The following NUP210L variants were observed in gnomAD, a reference collection of about 807,000 sequenced individuals.
NUP210L encodes nucleoporin 210 like.
A neutral mutation model predicts 208.5 loss-of-function variants in NUP210L; 74 were observed. The observed-to-expected ratio is 0.35, with a 90% CI of 0.29 to 0.43. NUP210L has a LOEUF of 0.43. NUP210L is among the 20% of genes least tolerant of loss of function. The pLI, the probability that NUP210L is intolerant of heterozygous loss-of-function variation, is 1.00. For missense variants in NUP210L, 1,843 were observed against 2,289.4 expected, an observed-to-expected ratio of 0.81 and a Z score of 3.98; for synonymous variants, 780 against 816.9, an observed-to-expected ratio of 0.95 and a Z score of 0.77.
chr1:154,075,823 T>A (rs905049172), intron 16 of NUP210L, among the ~76,000 whole-genome samples: 7 of 152,078 alleles, frequency 4.6e-5, no homozygotes, highest in Admixed American at 4.6e-4. Flanking sequence ...GGAGTCTTAC[T>A]TCATTGCCCA....
At chr1:153,992,958 A>T in intron 39 of NUP210L, 23 bp from the exon 40 acceptor site, 2 of 1,608,372 alleles carry the variant, frequency 1.2e-6, no homozygotes. Context: ...GGAAAAGTTG[A>T]GTGAATTAAA....
At chr1:154,145,432 A>T (rs1659069057) in intron 2 of NUP210L, among the ~76,000 whole-genome samples, 1 of 152,286 alleles carries the variant, frequency 6.6e-6, no homozygotes, top group Non-Finnish European at 1.5e-5. Flanking sequence ...AAAAAAAATT[A>T]AACATTGAAA....
chr1:154,040,920 A>G (rs1377483673), intron 27 of NUP210L, among the ~76,000 whole-genome samples: 1 of 150,806 alleles, frequency 6.6e-6, no homozygotes, highest in Non-Finnish European at 1.5e-5. Flanking sequence ...CTCAAAGTCA[A>G]ATTTTTTTAT....
chr1:153,996,763 G>C (rs918347888), intron 37 of NUP210L, among the ~76,000 whole-genome samples: 3 of 151,076 alleles, frequency 2.0e-5, no homozygotes, highest in Admixed American at 6.6e-5. Flanking sequence ...TAAATCCACA[G>C]TACCTTTGTC....
chr1:154,135,372 A>C (rs1658479347), intron 7 of NUP210L, among the ~76,000 whole-genome samples: 1 of 152,146 alleles, frequency 6.6e-6, no homozygotes, highest in African/African-American at 2.4e-5. Context: ...AATAACTTAT[A>C]ATTCTTTATT....
At chr1:153,994,630 A>C (rs924244754) in intron 38 of NUP210L, among the ~76,000 whole-genome samples, 1 of 151,876 alleles carries the variant, frequency 6.6e-6, no homozygotes. Context: ...CCTTTAATCC[A>C]CCACGTTACT....
chr1:154,035,730 T>C (rs1187165505), intron 27 of NUP210L, among the ~76,000 whole-genome samples: 3 of 151,472 alleles, frequency 2.0e-5, no homozygotes, highest in Admixed American at 2.0e-4. Flanking sequence ...TCAACTTTTT[T>C]CTTTCTTTTT....
intron 32 of NUP210L, among the ~76,000 whole-genome samples, chr1:154,020,041 G>T (rs1651469270): frequency 6.6e-6 from 1 of 152,214 alleles, no homozygotes; most frequent in Non-Finnish European, 1.5e-5. Context: ...AGTAGGTTTA[G>T]CTCATTGGTC....
intron 27 of NUP210L, among the ~76,000 whole-genome samples, chr1:154,032,993 G>GAAAAGAAAAGAAAAGAAAAGA (rs769771404): frequency 1.5e-5 from 2 of 130,152 alleles, no homozygotes; most frequent in African/African-American, 5.8e-5. Flanking sequence ...GAAAAGAAAA[G>GAAAAGAAAAGAAAAGAAAAGA]AAAGAAAGAA....
At chr1:153,995,881 G>C in intron 37 of NUP210L, 1 of 562,552 alleles carries the variant, frequency 1.8e-6, no homozygotes, top group East Asian at 4.2e-5. Flanking sequence ...GTTCGTGACT[G>C]GATCAAGTGT....
chr1:154,138,886 A>G (rs1303947883), intron 5 of NUP210L, among the ~76,000 whole-genome samples: 1 of 152,244 alleles, frequency 6.6e-6, no homozygotes, highest in Non-Finnish European at 1.5e-5. Flanking sequence ...TCAATTAGGT[A>G]TAAGTGAGAA....
intron 5 of NUP210L, among the ~76,000 whole-genome samples, 190 bp from the exon 6 acceptor site, chr1:154,138,428 CTTA>C (rs1295917138): frequency 2.6e-5 from 4 of 151,884 alleles, no homozygotes; most frequent in Admixed American, 2.6e-4. Context: ...ATCTTAATAC[CTTA>C]TTAACTTTCT....
chr1:154,117,355 C>T (rs1297791139), intron 12 of NUP210L, among the ~76,000 whole-genome samples: 2 of 152,008 alleles, frequency 1.3e-5, no homozygotes, highest in African/African-American at 4.8e-5. Context: ...CCGAGGCAGG[C>T]AGATCACCTG....
intron 13 of NUP210L, 131 bp from the exon 14 acceptor site, chr1:154,100,274 AC>A (rs926981430): frequency 1.4e-6 from 1 of 725,336 alleles, no homozygotes; most frequent in Non-Finnish European, 2.3e-6. Context: ...ACATGGTGAA[AC>A]CCCGTGTCTA....
At chr1:154,109,829 G>A (rs1384846832) in intron 12 of NUP210L, among the ~76,000 whole-genome samples, 2 of 151,248 alleles carry the variant, frequency 1.3e-5, no homozygotes, top group African/African-American at 4.9e-5. Context: ...TTAAGAAAGA[G>A]ATTTTAAAAT....
intron 12 of NUP210L, among the ~76,000 whole-genome samples, chr1:154,111,111 G>C (rs1193747961): frequency 6.6e-6 from 1 of 150,732 alleles, no homozygotes; most frequent in African/African-American, 2.5e-5. Flanking sequence ...GGCTGGGCAC[G>C]GTGGCTCATG....
At chr1:154,021,010 C>T (rs1410476107) in intron 32 of NUP210L, among the ~76,000 whole-genome samples, 1 of 151,216 alleles carries the variant, frequency 6.6e-6, no homozygotes, top group South Asian at 2.1e-4. Context: ...GGCACGATCT[C>T]GGCTCACTGC....
chr1:154,065,458 T>G (rs970248101), intron 17 of NUP210L, among the ~76,000 whole-genome samples: 3 of 152,164 alleles, frequency 2.0e-5, no homozygotes, highest in Non-Finnish European at 4.4e-5. Context: ...TGATTTAATT[T>G]TATGTTCTTG....
rs755648744 is a variant in NUP210L at position 154,136,018 on chromosome 1, CAGT to C, written c.851-49_851-47del. On this transcript the variant is annotated intron_variant, in intron 6 of 39. Coordinates refer to ENST00000368559, the Ensembl canonical transcript of NUP210L. ...ATAAATGTAATGACAGCAGCCATTC[CAGT>C]AGATAATGATGTATTCTTGATCATA... The C allele has an allele frequency of 5.4e-6, 7 of 1,290,282 alleles. No homozygotes were observed. The South Asian group carries it at 7.2e-5, about 13-fold the overall frequency. 79.9% of individuals were successfully genotyped at this position (1,290,282 alleles called of 1,614,324 possible).
Sources: gnomAD v4.1 joint callset for allele counts (sites outside exome capture counted in the v4.1 genomes callset) on GRCh38, gnomAD v4.1.1 for gene constraint, MANE v1.5 for transcripts, NCBI Gene and HGNC (gene_info 2026-07-23, HGNC 2026-07-21) for gene names.